The following USP24 variants were observed in gnomAD, a reference collection of about 807,000 sequenced individuals.
USP24 encodes the protein ubiquitin carboxyl-terminal hydrolase 24.
USP24 carries 97 observed loss-of-function variants against 361.6 expected under a neutral mutation model. The observed-to-expected ratio is 0.27, with a 90% CI of 0.23 to 0.32. USP24 has a LOEUF of 0.32. Ranked by LOEUF, USP24 falls within the 10% of genes least tolerant of loss-of-function variation. The pLI, the probability that USP24 is intolerant of heterozygous loss-of-function variation, is 1.00. For synonymous variants in USP24, 1,098 were observed against 1,124.6 expected, an observed-to-expected ratio of 0.98 and a Z score of 0.47; for missense variants, 2,353 against 3,165.6, an observed-to-expected ratio of 0.74 and a Z score of 6.16.
chr1:55,188,672 A>G (rs966967884), intron 1 of USP24, among the ~76,000 whole-genome samples: 1 of 152,088 alleles, frequency 6.6e-6, no homozygotes, highest in Admixed American at 6.5e-5. Flanking sequence ...AAAAGACAGG[A>G]AAGAAGCCGG....
chr1:55,106,624 T>G (rs916039999), intron 40 of USP24, among the ~76,000 whole-genome samples: 1 of 152,232 alleles, frequency 6.6e-6, no homozygotes, highest in Admixed American at 6.5e-5. Flanking sequence ...TAAGGGTTTC[T>G]GAAACTTTTA....
intron 1 of USP24, among the ~76,000 whole-genome samples, chr1:55,209,605 T>C (rs1021675603): frequency 3.3e-5 from 5 of 152,238 alleles, no homozygotes; most frequent in South Asian, 4.1e-4. Flanking sequence ...GGAAACCTAA[T>C]ATTGAAACTT....
At chr1:55,146,189 T>C (rs1647024399) in intron 19 of USP24, 80 bp from the exon 20 acceptor site, 2 of 926,282 alleles carry the variant, frequency 2.2e-6, no homozygotes, top group Admixed American at 2.1e-5. Context: ...AAAGTAAAGA[T>C]ACATTTTAAT....
At chr1:55,166,337 G>A (rs921374484) in intron 6 of USP24, among the ~76,000 whole-genome samples, 10 of 151,932 alleles carry the variant, frequency 6.6e-5, no homozygotes, top group Admixed American at 5.2e-4. Context: ...TCCTTGCATT[G>A]ATCCTTCTAA....
intron 1 of USP24, among the ~76,000 whole-genome samples, chr1:55,204,328 G>A (rs986297660): frequency 6.6e-6 from 1 of 151,658 alleles, no homozygotes; most frequent in Admixed American, 6.6e-5. Flanking sequence ...ACGCTTTTAG[G>A]ATAAAAAATA....
chr1:55,162,307 T>C, intron 7 of USP24, 43 bp from the exon 8 acceptor site: 18 of 1,466,516 alleles, frequency 1.2e-5, no homozygotes, highest in Non-Finnish European at 1.4e-5. Flanking sequence ...TTGAGAGGAT[T>C]TTTTTCCTGT....
At position 55,067,842 on chromosome 1, in the gene USP24, A is replaced by T. The variant is rs1157984842; in HGVS notation, c.*1203T>A. On this transcript the variant is annotated 3_prime_UTR_variant, in exon 68 of 68. Transcript: ENST00000294383. ...TGGGTGTAAACCTCTCCCCCACACC[A>T]TAAAAGGGAGCTGGTATAAATGAGT... The T allele has an allele frequency of 6.6e-6, 1 of 152,250 alleles. No individual in the cohort carries two copies. Among genetic ancestry groups the T allele is most frequent in the Non-Finnish European group, 1.5e-5 (1 of 68,046 alleles). 9.4% of individuals were successfully genotyped at this position (152,250 alleles called of 1,614,324 possible). A position where few individuals can be genotyped will look rare whatever the true frequency, so the allele number is the denominator to read the frequency against.
chr1:55,200,886 T>C (rs75404340), intron 1 of USP24, among the ~76,000 whole-genome samples: 2,509 of 152,312 alleles, frequency 0.016, 38 homozygotes, highest in African/African-American at 0.041. Context: ...CACTATGTTC[T>C]TTCTTGTGTG....
chr1:55,072,871 G>C lies in USP24; in HGVS notation c.7527-10C>G, dbSNP rs371269926. Reference sequence around the variant, plus strand: ...CTTAGCTGCAGGACACCTGATGACCGAGGAGATTTTTATTAGCCAAATTCT... The same window carrying C: ...CTTAGCTGCAGGACACCTGATGACCCAGGAGATTTTTATTAGCCAAATTCT... On this transcript the variant is annotated splice_polypyrimidine_tract_variant and intron_variant, in intron 64 of 67. Transcript: ENST00000294383. 3.1e-6 allele frequency: 5 copies of C among 1,598,568 alleles called. No homozygotes were observed. Among genetic ancestry groups the C allele is most frequent in the Non-Finnish European group, 3.4e-6 (4 of 1,172,532 alleles).
chr1:55,116,413 CA>C (rs1178848730), intron 38 of USP24, among the ~76,000 whole-genome samples: 1 of 149,238 alleles, frequency 6.7e-6, no homozygotes, highest in African/African-American at 2.5e-5. Context: ...ACAAAACCAA[CA>C]AACCTTTAGG....
rs1158890659 is a variant in USP24, at chr1:55,211,200, AG to A, written c.324+3589del. On this transcript the variant is annotated intron_variant, in intron 1 of 67. Transcript: ENST00000294383. ...GCAGTAAAGAGTGAAGAATTCTGAC[AG>A]GGGGGTGGTTAAAAATCAGAATAAG... Among the ~76,000 whole-genome samples the A allele has an allele frequency of 1.1e-4, 17 of 152,310 alleles. No homozygotes were observed. The South Asian group carries it at 1.9e-3, about 17-fold the overall frequency.
intron 47 of USP24, 60 bp from the exon 48 acceptor site, chr1:55,097,777 C>T: frequency 1.3e-6 from 2 of 1,508,182 alleles, no homozygotes; most frequent in African/African-American, 1.4e-5. Flanking sequence ...GAAAATAAAA[C>T]AGCACAGTAA....
chr1:55,127,354 G>C (rs1468104066), intron 32 of USP24, among the ~76,000 whole-genome samples: 1 of 152,076 alleles, frequency 6.6e-6, no homozygotes, highest in Admixed American at 6.5e-5. Flanking sequence ...TACTGAGAAT[G>C]ATGATTTCCA....
intron 1 of USP24, among the ~76,000 whole-genome samples, chr1:55,183,066 G>C (rs1177733479): frequency 6.6e-6 from 1 of 152,134 alleles, no homozygotes; most frequent in Non-Finnish European, 1.5e-5. Flanking sequence ...AAAAATGCCA[G>C]AGTCACCAAA....
At chr1:55,093,031 A>C in intron 52 of USP24, 115 bp from the exon 53 acceptor site, 1 of 615,718 alleles carries the variant, frequency 1.6e-6, no homozygotes. Flanking sequence ...AAAGTGAATT[A>C]TAATTTATAA....
chr1:55,124,377 C>G (rs1646366700), intron 35 of USP24, 92 bp downstream of exon 35: 2 of 1,446,172 alleles, frequency 1.4e-6, no homozygotes, highest in South Asian at 2.8e-5. Flanking sequence ...AAGAGGGTCT[C>G]CCATTTTTGT....
At chr1:55,122,298 C>A (rs1646304590) in intron 36 of USP24, among the ~76,000 whole-genome samples, 1 of 152,060 alleles carries the variant, frequency 6.6e-6, no homozygotes, top group Non-Finnish European at 1.5e-5. Context: ...ACAGCCAGTG[C>A]AAGGGAAGGA....
At chr1:55,134,193 T>C (rs763436366) in intron 29 of USP24, 30 bp from the exon 30 acceptor site, 11 of 1,603,962 alleles carry the variant, frequency 6.9e-6, no homozygotes, top group South Asian at 4.5e-5. Flanking sequence ...AATTTTTTCA[T>C]ATAAGCCATA....
chr1:55,072,246 G>A, intron 66 of USP24, 71 bp downstream of exon 66: 1 of 1,329,580 alleles, frequency 7.5e-7, no homozygotes, highest in Admixed American at 2.0e-5. Context: ...AGAGGTTGCA[G>A]TTTCTGAGAA....
Sources: allele counts gnomAD v4.1 joint callset (sites outside exome capture counted in the v4.1 genomes callset), GRCh38; gene constraint gnomAD v4.1.1; transcripts MANE v1.5; gene names NCBI Gene and HGNC (gene_info 2026-07-23, HGNC 2026-07-21).